Variants in SYCP2L observed in about 807,000 individuals in gnomAD.
SYCP2L encodes synaptonemal complex protein 2 like.
A neutral mutation model predicts 125.8 loss-of-function variants in SYCP2L; 98 were observed. The observed-to-expected ratio is 0.78, with a 90% CI of 0.66 to 0.92. The LOEUF (loss-of-function observed/expected upper bound fraction) is 0.92, where lower values mean the gene tolerates loss of function less well. SYCP2L is among the 40% of genes least tolerant of loss of function. The probability of loss-of-function intolerance (pLI) is 0.00; values close to 1 mark genes in which losing one functional copy is unlikely to be tolerated. For synonymous variants in SYCP2L, 317 were observed against 325.4 expected, an observed-to-expected ratio of 0.97 and a Z score of 0.28; for missense variants, 842 against 936.4, an observed-to-expected ratio of 0.90 and a Z score of 1.32.
Position 10,916,111 on chromosome 6 carries a change from G to A in SYCP2L, c.1072+3184G>A, listed in dbSNP as rs113825787. Among the ~76,000 whole-genome samples the A allele has an allele frequency of 2.3e-3, 350 of 152,250 alleles. 3 individuals carry two copies. Among genetic ancestry groups the A allele is most frequent in the African/African-American group, 7.9e-3 (328 of 41,550 alleles). ...AGGTTTTCTAGTTTATGTGTGTAAT[G>A]GTGTTCATAGAAGCCTTAAATGATC... On this transcript the variant is annotated intron_variant, in intron 14 of 29. Coordinates refer to ENST00000283141, the MANE Select transcript of SYCP2L (RefSeq NM_001040274.3).
intron 26 of SYCP2L, 28 bp downstream of exon 26, chr6:10,958,903 G>A (rs765709955): frequency 1.9e-5 from 31 of 1,596,282 alleles, no homozygotes; most frequent in African/African-American, 4.0e-5. Flanking sequence ...AAACAAGGTC[G>A]TGGAAGTGTG....
At chr6:10,941,990 T>C (rs1249695966) in intron 21 of SYCP2L, among the ~76,000 whole-genome samples, 1 of 151,998 alleles carries the variant, frequency 6.6e-6, no homozygotes, top group African/African-American at 2.4e-5. Flanking sequence ...AATGATGATT[T>C]CATGTCCTTT....
At chr6:10,923,779 G>T (rs61221419) in intron 14 of SYCP2L, among the ~76,000 whole-genome samples, 4,236 of 151,192 alleles carry the variant, frequency 0.028, 210 homozygotes, top group East Asian at 0.24. Context: ...CGCCTCCTGG[G>T]TTCACGCCAT....
At chr6:10,933,287 T>A (rs920137785) in intron 20 of SYCP2L, among the ~76,000 whole-genome samples, 1 of 152,244 alleles carries the variant, frequency 6.6e-6, no homozygotes, top group African/African-American at 2.4e-5. Context: ...ACTACTCACC[T>A]CTGCCTTTGT....
Position 10,963,829 on chromosome 6 carries a change from G to T in SYCP2L, c.*23G>T. The T allele has an allele frequency of 6.2e-7, 1 of 1,613,848 alleles. No homozygotes were observed. The highest frequency in any genetic ancestry group is 1.1e-5 in the South Asian group (1 of 91,070). On this transcript the variant is annotated 3_prime_UTR_variant, in exon 29 of 30. Transcript: ENST00000283141. ...TAAGAAAGCCAAAGCCTGGTTTTAT[G>T]ATTGCAGCCCTCAGGTAGGTGCAAA...
chr6:10,973,129 A>T (rs1262598707), intron 29 of SYCP2L, among the ~76,000 whole-genome samples: 1 of 152,196 alleles, frequency 6.6e-6, no homozygotes, highest in African/African-American at 2.4e-5. Context: ...CGCTCAGGTG[A>T]TTCTGCCATT....
chr6:10,932,731 C>T (rs939646458), intron 20 of SYCP2L, among the ~76,000 whole-genome samples: 3 of 152,120 alleles, frequency 2.0e-5, no homozygotes, highest in African/African-American at 7.2e-5. Flanking sequence ...TTGGAATAAA[C>T]ACCAAAGAAA....
chr6:10,941,623 G>A (rs553608856), intron 21 of SYCP2L, among the ~76,000 whole-genome samples: 138 of 152,300 alleles, frequency 9.1e-4, no homozygotes, highest in South Asian at 8.9e-3. Flanking sequence ...CAGTTAGAAT[G>A]GCGATCATTA....
intron 14 of SYCP2L, among the ~76,000 whole-genome samples, chr6:10,924,214 A>G (rs1442432496): frequency 6.6e-6 from 1 of 152,226 alleles, no homozygotes; most frequent in African/African-American, 2.4e-5. Flanking sequence ...AAAAAACTGA[A>G]TTGCAGAAGA....
At chr6:10,903,353 C>T (rs1454011741) in intron 8 of SYCP2L, among the ~76,000 whole-genome samples, 1 of 152,150 alleles carries the variant, frequency 6.6e-6, no homozygotes, top group Non-Finnish European at 1.5e-5. Flanking sequence ...TCGAGACCAT[C>T]CTGGCTAACA....
intron 26 of SYCP2L, among the ~76,000 whole-genome samples, chr6:10,959,501 C>G (rs145797986): frequency 8.1e-4 from 124 of 152,306 alleles, no homozygotes; most frequent in African/African-American, 2.7e-3. Context: ...TGTGAATGTA[C>G]TTAATGCCAT....
chr6:10,889,962 AGTGTG>A (rs1331368094), intron 1 of SYCP2L, among the ~76,000 whole-genome samples: 1 of 152,150 alleles, frequency 6.6e-6, no homozygotes, highest in Non-Finnish European at 1.5e-5. Flanking sequence ...AAGAACATGC[AGTGTG>A]TCTGTCTGTG....
In SYCP2L at chr6:10,891,606, T is replaced by C. The variant is rs745729469; in HGVS notation, c.78+25T>C. ...GGTAAAGATCAAGTTTCTTTTATAA[T>C]CTCTCTCTGTGTGTGTGTGTGTGTG... On this transcript the variant is annotated intron_variant, in intron 2 of 29. Coordinates refer to ENST00000283141, the MANE Select transcript of SYCP2L (RefSeq NM_001040274.3). 26 of 448,294 alleles carry C rather than the reference T, an allele frequency of 5.8e-5. 1 individual carries two copies. The highest frequency in any genetic ancestry group is 5.6e-4 in the Middle Eastern group (1 of 1,790). The allele number at this position is 448,294 out of a possible 1,614,324, so 27.8% of individuals were successfully genotyped here. A position where few individuals can be genotyped will look rare whatever the true frequency, so the allele number is the denominator to read the frequency against.
intron 28 of SYCP2L, 72 bp from the exon 29 acceptor site, chr6:10,963,710 T>C (rs1392000600): frequency 1.4e-6 from 2 of 1,448,232 alleles, no homozygotes; most frequent in Non-Finnish European, 1.9e-6. Context: ...TATGCAGATG[T>C]ATCTAGATGT....
At chr6:10,948,695 G>A (rs1390186079) in intron 23 of SYCP2L, among the ~76,000 whole-genome samples, 1 of 152,048 alleles carries the variant, frequency 6.6e-6, no homozygotes, top group Non-Finnish European at 1.5e-5. Flanking sequence ...GCTATTATCT[G>A]GCATTGGAAT....
At chr6:10,916,988 T>A (rs1780705277) in intron 14 of SYCP2L, among the ~76,000 whole-genome samples, 1 of 152,176 alleles carries the variant, frequency 6.6e-6, no homozygotes, top group Non-Finnish European at 1.5e-5. Context: ...CAAGACTCCA[T>A]TTCAAAAAAT....
At chr6:10,956,999 T>A (rs938817813) in intron 25 of SYCP2L, among the ~76,000 whole-genome samples, 4 of 152,046 alleles carry the variant, frequency 2.6e-5, no homozygotes, top group South Asian at 2.1e-4. Context: ...GCTAATTTTT[T>A]AAAATTTTTT....
chr6:10,960,859 T>A (rs1781581751), intron 26 of SYCP2L, among the ~76,000 whole-genome samples: 1 of 152,168 alleles, frequency 6.6e-6, no homozygotes, highest in South Asian at 2.1e-4. Flanking sequence ...GCGGATCACC[T>A]GAGGTCAGGA....
intron 29 of SYCP2L, among the ~76,000 whole-genome samples, chr6:10,964,249 G>A (rs574841508): frequency 1.6e-4 from 24 of 152,294 alleles, no homozygotes; most frequent in Admixed American, 1.5e-3. Context: ...GAGCCACTGT[G>A]CCTGGCAGAG....
Sources: allele counts gnomAD v4.1 joint callset (sites outside exome capture counted in the v4.1 genomes callset), GRCh38; gene constraint gnomAD v4.1.1; transcripts MANE v1.5; gene names NCBI Gene and HGNC (gene_info 2026-07-23, HGNC 2026-07-21).